The following ASPM variants were observed in gnomAD, a reference collection of about 807,000 sequenced individuals.
ASPM encodes abnormal spindle-like microcephaly-associated protein.
ASPM carries 256 observed loss-of-function variants against 366.4 expected under a neutral mutation model. The observed-to-expected ratio is 0.70, with a 90% CI of 0.63 to 0.77. ASPM has a LOEUF of 0.77. ASPM is among the 30% of genes least tolerant of loss of function. ASPM has a pLI of 0.00. For missense variants in ASPM, 4,146 were observed against 4,090.4 expected, an observed-to-expected ratio of 1.01 and a Z score of -0.37; for synonymous variants, 1,414 against 1,342.9, an observed-to-expected ratio of 1.05 and a Z score of -1.16.
In ASPM at chr1:197,100,428, T is replaced by C. The variant is rs544524366; in HGVS notation, c.8820+3A>G. The C allele has an allele frequency of 2.0e-6, 3 of 1,487,120 alleles. No homozygotes were observed. Among genetic ancestry groups the C allele is most frequent in the Non-Finnish European group, 2.7e-6 (3 of 1,096,926 alleles). The allele number at this position is 1,487,120 out of a possible 1,614,324, so 92.1% of individuals were successfully genotyped here. ...TTTATATTTAAATTAAATATAGAAA[T>C]ACCTGAATTTTTATGGTGCTATTTT... On this transcript the variant is annotated splice_donor_region_variant and intron_variant, in intron 18 of 27. Coordinates refer to ENST00000367409, the MANE Select transcript of ASPM (RefSeq NM_018136.5).
chr1:197,087,129 C>T lies in ASPM; in HGVS notation c.10162-157G>A, dbSNP rs145454968. Among the ~76,000 whole-genome samples, 261 of 152,008 alleles carry T rather than the reference C, an allele frequency of 1.7e-3. 2 individuals are homozygous for T. The highest frequency in any genetic ancestry group is 6.2e-3 in the African/African-American group (258 of 41,458). On this transcript the variant is annotated intron_variant, in intron 26 of 27. Transcript: ENST00000367409. ...TTGCTCTGTCGCCCAGGCTGAAGTG[C>T]AGTGGTGCGATCTTAGCTCAATGCA...
Position 197,143,940 on chromosome 1 carries a change from A to G in ASPM, c.441+17T>C, listed in dbSNP as rs752775982. The G allele has an allele frequency of 1.3e-6, 2 of 1,593,726 alleles. No homozygotes were observed. The highest frequency in any genetic ancestry group is 1.7e-6 in the Non-Finnish European group (2 of 1,162,538). ...AACAATTTCTTAGAGTAAATCACAG[A>G]ATGGTTAAAACATTACCTTTTTCTT... On this transcript the variant is annotated intron_variant, in intron 2 of 27. Coordinates refer to ENST00000367409, the MANE Select transcript of ASPM (RefSeq NM_018136.5).
rs1051721111 is a variant in ASPM at position 197,103,489 on chromosome 1, T to C, written c.5762A>G (p.Lys1921Arg). The change falls in exon 18 of 28, where the codon AAA becomes AGA. Residue 1921 changes from lysine (K) to arginine (R), a missense_variant. Lys to Arg is a conservative substitution (Grantham distance 26). This residue lies in a region of ASPM where 3,624 missense variants were observed against 3,591.7 expected (regional missense o/e 1.01). Coordinates refer to ENST00000367409, the MANE Select transcript of ASPM (RefSeq NM_018136.5). ...AKAQKQFRLF[K>R]TAALVIQQNF... ...TTGCTGGATGACTAATGCTGCTGTT[T>C]TAAACAATCTAAACTGTTTCTGGGC... The C allele has an allele frequency of 3.7e-6, 6 of 1,613,158 alleles. No homozygotes were observed. Among genetic ancestry groups the C allele is most frequent in the Middle Eastern group, 3.3e-4 (2 of 6,082 alleles).
intron 17 of ASPM, among the ~76,000 whole-genome samples, chr1:197,105,412 A>G (rs917834297): frequency 2.0e-5 from 3 of 152,038 alleles, no homozygotes; most frequent in African/African-American, 7.2e-5. Flanking sequence ...ATATTTAAAT[A>G]CTGCATTTGT....
At position 197,092,021 on chromosome 1, in the gene ASPM, G is replaced by A; in HGVS notation, c.9330C>T (p.His3110=). 6.2e-7 allele frequency: 1 copy of A among 1,611,976 alleles called. No individual in the cohort carries two copies. The highest frequency in any genetic ancestry group is 8.5e-7 in the Non-Finnish European group (1 of 1,178,688). The part of the protein sequence containing the change: ...LEQRAKIRLL[H]FTAAAYYHLN... ...GGTGATAATATGCAGCTGCAGTGAA[G>A]TGAAGAAGTCGAATTTTGGCTCTCT... The change falls in exon 22 of 28, where the codon CAC becomes CAT. Residue 3110 remains histidine (H), a synonymous_variant. Coordinates refer to ENST00000367409, the MANE Select transcript of ASPM (RefSeq NM_018136.5).
At chr1:197,126,664 G>A (rs1658101856) in intron 10 of ASPM, among the ~76,000 whole-genome samples, 1 of 152,146 alleles carries the variant, frequency 6.6e-6, no homozygotes, top group Non-Finnish European at 1.5e-5. Flanking sequence ...AGCTCATATG[G>A]AACTGCTAAA....
chr1:197,100,379 T>C, intron 18 of ASPM, 52 bp downstream of exon 18: 7 of 1,201,082 alleles, frequency 5.8e-6, no homozygotes, highest in East Asian at 2.6e-5. Context: ...CTAACAAATA[T>C]TGGTCAAAAG....
chr1:197,118,632 C>T (rs970495484), intron 16 of ASPM, among the ~76,000 whole-genome samples: 11 of 152,234 alleles, frequency 7.2e-5, no homozygotes, highest in African/African-American at 2.6e-4. Context: ...TAAATAATAA[C>T]ATATTCTATG....
At chr1:197,126,978 T>G (rs901133877) in intron 10 of ASPM, among the ~76,000 whole-genome samples, 5 of 152,192 alleles carry the variant, frequency 3.3e-5, no homozygotes, top group African/African-American at 1.2e-4. Flanking sequence ...TCCTGAAATT[T>G]TCATTGTTCA....
intron 17 of ASPM, among the ~76,000 whole-genome samples, chr1:197,114,016 A>G (rs1657666703): frequency 6.6e-6 from 1 of 152,238 alleles, no homozygotes; most frequent in African/African-American, 2.4e-5. Context: ...AAGTACTTTA[A>G]AAAACTCTTG....
intron 13 of ASPM, among the ~76,000 whole-genome samples, chr1:197,123,417 A>T (rs940758556): frequency 1.1e-4 from 16 of 152,322 alleles, no homozygotes; most frequent in Admixed American, 9.8e-4. Context: ...GGCATTAAAA[A>T]GAAATTTTAG....
intron 19 of ASPM, 111 bp from the exon 20 acceptor site, chr1:197,094,291 A>G (rs534232019): frequency 2.9e-6 from 2 of 684,832 alleles, no homozygotes; most frequent in South Asian, 3.7e-5. Context: ...TAAGAAAGGC[A>G]ATGACAGAAT....
At position 197,102,455 on chromosome 1, in the gene ASPM, C is replaced by A. The variant is rs200800956; in HGVS notation, c.6796G>T (p.Ala2266Ser). The change falls in exon 18 of 28, where the codon GCA becomes TCA. Residue 2266 changes from alanine to serine, a missense_variant. This residue lies in a region of ASPM where 3,624 missense variants were observed against 3,591.7 expected (regional missense o/e 1.01). Coordinates refer to ENST00000367409, the MANE Select transcript of ASPM (RefSeq NM_018136.5). ...RRHLKMMHIA[A>S]TLIQRRFRTL... ...CTAAATCTCCTCTGAATGAGAGTTG[C>A]GGCTATATGCATCATTTTTAAATGT... The A allele has an allele frequency of 5.0e-6, 8 of 1,612,298 alleles. No individual in the cohort carries two copies. The highest frequency in any genetic ancestry group is 2.2e-5 in the East Asian group (1 of 44,812).
In ASPM at chr1:197,143,144, A is replaced by C. The variant is rs1422046502; in HGVS notation, c.1108T>G (p.Ser370Ala). 1.2e-6 allele frequency: 2 copies of C among 1,613,292 alleles called. No individual in the cohort carries two copies. The highest frequency in any genetic ancestry group is 1.7e-5 in the Admixed American group (1 of 59,986). The change falls in exon 3 of 28, where the codon TCT becomes GCT. Residue 370 changes from serine to alanine, a missense_variant. Physicochemically the swap from Ser to Ala is moderately conservative, Grantham distance 99 (BLOSUM62 1). Transcript: ENST00000367409. ...EIYQKILSPD[S>A]FIKDNYGLNQ... ...AGTCCATAATTATCTTTTATGAAAGAATCTGGACTTAAAATTTTCTGATAA... is the reference window on the plus strand; with the variant it reads ...AGTCCATAATTATCTTTTATGAAAGCATCTGGACTTAAAATTTTCTGATAA...
rs779965746 is a variant in ASPM, at chr1:197,142,784, G to A, written c.1468C>T (p.Arg490Cys). The A allele has an allele frequency of 8.7e-6, 14 of 1,613,240 alleles. No homozygotes were observed. Among genetic ancestry groups the A allele is most frequent in the South Asian group, 2.2e-5 (2 of 91,054 alleles). Residue 490 changes from arginine to cysteine, a missense_variant, in exon 3 of 28, where the codon CGT becomes TGT. By Grantham distance (180) the Arg-to-Cys change is radical (BLOSUM62 -3). Around this residue, in one of 3 missense-constraint regions of ASPM, gnomAD observed 3,624 missense variants for 3,591.7 expected, o/e 1.01. Transcript: ENST00000367409. ...SHSHNKQPKRRPILSATVTKR... is the reference protein window; with the variant it reads ...SHSHNKQPKRCPILSATVTKR... ...GTAACAGTGGCAGAAAGTATTGGAC[G>A]TCTCTTAGGTTGTTTATTGTGGCTA... is the stretch of plus-strand genomic sequence containing the variant.
rs2125116130 is a variant in ASPM at position 197,146,337 on chromosome 1, G to C, written c.101C>G (p.Ser34Cys). Residue 34 changes from serine to cysteine, a missense_variant, in exon 1 of 28, where the codon TCT becomes TGT. Physicochemically the swap from Ser to Cys is moderately radical, Grantham distance 112. Coordinates refer to ENST00000367409, the MANE Select transcript of ASPM (RefSeq NM_018136.5). The part of the protein sequence containing the change: ...LRGPAAEEEA[S>C]SPPVLSLSHF... ...GCTGAGAGACAGGACCGGCGGGGAA[G>C]ACGCCTCCTCCTCGGCCGCGGGGCC... is the stretch of plus-strand genomic sequence containing the variant. 6.2e-7 allele frequency: 1 copy of C among 1,612,846 alleles called. No individual in the cohort carries two copies. Among genetic ancestry groups the C allele is most frequent in the Non-Finnish European group, 8.5e-7 (1 of 1,179,910 alleles).
chr1:197,103,266 T>C lies in ASPM; in HGVS notation c.5985A>G (p.Lys1995=). Residue 1995 remains lysine (K), a synonymous_variant, in exon 18 of 28, where the codon AAA becomes AAG. Coordinates refer to ENST00000367409, the MANE Select transcript of ASPM (RefSeq NM_018136.5). ...AATACTTTTGAATCAGAAGAGCAGC[T>C]TTTTTCATGATTTTCCACTTCTTTT... ...VQQKKWKIMK[K]AALLIQKYYR... 6.2e-7 allele frequency: 1 copy of C among 1,612,956 alleles called. No individual in the cohort carries two copies. The highest frequency in any genetic ancestry group is 8.5e-7 in the Non-Finnish European group (1 of 1,179,456).
chr1:197,122,070 A>G, intron 15 of ASPM, 27 bp from the exon 16 acceptor site: 1 of 1,607,748 alleles, frequency 6.2e-7, no homozygotes, highest in Non-Finnish European at 8.5e-7. Context: ...AAAGATAAAA[A>G]CAGAATATCA....
chr1:197,090,982 T>G lies in ASPM; in HGVS notation c.9504A>C (p.Lys3168Asn). The G allele has an allele frequency of 6.2e-7, 1 of 1,612,760 alleles. No individual in the cohort carries two copies. Among genetic ancestry groups the G allele is most frequent in the Non-Finnish European group, 8.5e-7 (1 of 1,179,088 alleles). ...ATTCTTGACCTTCATGCTCAATCTT[T>G]TTGATGCTATGATATTTCTGAATAA... ...KRFIQKYHSI[K>N]KIEHEGQECL... The change falls in exon 23 of 28, where the codon AAA becomes AAC. Residue 3168 changes from lysine to asparagine, a missense_variant. By Grantham distance (94) the Lys-to-Asn change is moderately conservative. Transcript: ENST00000367409.
Sources: gnomAD v4.1 joint callset for allele counts (sites outside exome capture counted in the v4.1 genomes callset) on GRCh38, gnomAD v4.1.1 for gene constraint, gnomAD v4.1.1 regional missense constraint, MANE v1.5 for transcripts, NCBI Gene and HGNC (gene_info 2026-07-23, HGNC 2026-07-21) for gene names.